SFMBT2: variants seen among roughly 807,000 people sequenced by gnomAD.
SFMBT2 encodes Scm like with four mbt domains 2.
A neutral mutation model predicts 110.1 loss-of-function variants in SFMBT2; 38 were observed. That is an observed-to-expected ratio of 0.35 (90% CI 0.27 to 0.45). The LOEUF is 0.45. Ranked by LOEUF, SFMBT2 falls within the 20% of genes least tolerant of loss-of-function variation. SFMBT2 has a pLI of 1.00. For synonymous variants in SFMBT2, 425 were observed against 425.4 expected (o/e 1.00, Z 0.01); for missense variants, 1,011 against 1,094.9 (o/e 0.92, Z 1.08).
intron 4 of SFMBT2, among the ~76,000 whole-genome samples, chr10:7,291,068 A>T (rs1032723695): frequency 1.8e-4 from 27 of 152,180 alleles, no homozygotes; most frequent in African/African-American, 6.3e-4. Context: ...CAGGCAGATG[A>T]TGAACAAGGA....
At chr10:7,287,359 G>A (rs1307806739) in intron 4 of SFMBT2, 20 of 240,802 alleles carry the variant, frequency 8.3e-5, no homozygotes, top group South Asian at 1.5e-4. Context: ...GATTACAGGC[G>A]TGAGCCACCG....
chr10:7,275,881 T>C (rs1421040665), intron 7 of SFMBT2, among the ~76,000 whole-genome samples: 4 of 152,222 alleles, frequency 2.6e-5, no homozygotes, highest in African/African-American at 9.6e-5. Flanking sequence ...CCACATTAAG[T>C]ACATCTTCTA....
chr10:7,240,650 G>T (rs1564400718), intron 9 of SFMBT2, among the ~76,000 whole-genome samples: 1 of 152,074 alleles, frequency 6.6e-6, no homozygotes, highest in South Asian at 2.1e-4. Context: ...TTCCTCCACC[G>T]TCTCACCAAG....
intron 4 of SFMBT2, among the ~76,000 whole-genome samples, chr10:7,314,945 G>A (rs1245182804): frequency 6.9e-6 from 1 of 145,818 alleles, no homozygotes; most frequent in Non-Finnish European, 1.5e-5. Context: ...GAGAGAAAGA[G>A]AAAGAGAGAA....
intron 16 of SFMBT2, among the ~76,000 whole-genome samples, chr10:7,186,476 A>C (rs892274065): frequency 6.9e-6 from 1 of 144,940 alleles, no homozygotes; most frequent in Non-Finnish European, 1.5e-5. Context: ...ATATATATAA[A>C]AATATTTTAT....
chr10:7,348,136 G>C, intron 4 of SFMBT2: 1 of 519,944 alleles, frequency 1.9e-6, no homozygotes, highest in Non-Finnish European at 3.3e-6. Context: ...ATTTGAACAA[G>C]AAAAGAAGTT....
intron 4 of SFMBT2, among the ~76,000 whole-genome samples, chr10:7,360,062 T>A (rs1329946524): frequency 6.6e-6 from 1 of 152,230 alleles, no homozygotes; most frequent in Non-Finnish European, 1.5e-5. Context: ...GGATTAAACG[T>A]CGTTACCTGG....
At chr10:7,406,578 G>C (rs1010535743) in intron 1 of SFMBT2, among the ~76,000 whole-genome samples, 1 of 152,056 alleles carries the variant, frequency 6.6e-6, no homozygotes, top group African/African-American at 2.4e-5. Context: ...GAAGAGTCAG[G>C]AACCTTTTCT....
chr10:7,201,257 A>G (rs147884496), intron 13 of SFMBT2, among the ~76,000 whole-genome samples: 49 of 152,368 alleles, frequency 3.2e-4, no homozygotes, highest in African/African-American at 1.2e-3. Context: ...TGAACTTGTT[A>G]GAAATGCAGA....
At chr10:7,183,529 A>C (rs187961583) in intron 16 of SFMBT2, among the ~76,000 whole-genome samples, 1 of 152,222 alleles carries the variant, frequency 6.6e-6, no homozygotes, top group Non-Finnish European at 1.5e-5. Context: ...TACAGCAAGA[A>C]GTCTTGTTGG....
At chr10:7,195,577 C>T (rs1838742512) in intron 15 of SFMBT2, among the ~76,000 whole-genome samples, 1 of 152,232 alleles carries the variant, frequency 6.6e-6, no homozygotes, top group Admixed American at 6.5e-5. Flanking sequence ...TAAACACGAA[C>T]AAGGGCCCTT....
chr10:7,322,697 G>A (rs192765345), intron 4 of SFMBT2, among the ~76,000 whole-genome samples: 1 of 152,082 alleles, frequency 6.6e-6, no homozygotes, highest in Non-Finnish European at 1.5e-5. Flanking sequence ...AGGGGACAGT[G>A]GGGAGGCGAA....
At chr10:7,364,787 C>T (rs994679352) in intron 4 of SFMBT2, among the ~76,000 whole-genome samples, 32 of 152,196 alleles carry the variant, frequency 2.1e-4, no homozygotes, top group Admixed American at 1.8e-3. Flanking sequence ...AGTGTGTACA[C>T]GGCCCCCGGC....
At chr10:7,335,172 TAG>T (rs1045817233) in intron 4 of SFMBT2, among the ~76,000 whole-genome samples, 146 of 152,278 alleles carry the variant, frequency 9.6e-4, no homozygotes, top group African/African-American at 3.4e-3. Context: ...GTTCAACATG[TAG>T]AGAGTTTCCA....
intron 4 of SFMBT2, among the ~76,000 whole-genome samples, chr10:7,326,783 T>G (rs772021745): frequency 5.9e-5 from 9 of 152,160 alleles, no homozygotes; most frequent in Non-Finnish European, 1.0e-4. Flanking sequence ...ACCTCAAATC[T>G]CTGGCTCTTT....
intron 4 of SFMBT2, among the ~76,000 whole-genome samples, chr10:7,343,605 C>T (rs775552191): frequency 1.3e-5 from 2 of 151,968 alleles, no homozygotes; most frequent in Non-Finnish European, 2.9e-5. Context: ...GATGGTGTCT[C>T]GTTGTGGTTT....
chr10:7,403,085 A>G (rs1483806650), intron 1 of SFMBT2, among the ~76,000 whole-genome samples: 1 of 152,266 alleles, frequency 6.6e-6, no homozygotes, highest in Non-Finnish European at 1.5e-5. Flanking sequence ...AGTAAACAAC[A>G]TTGTGTCCTA....
chr10:7,321,429 CTGACCTTG>C (rs1412545684), intron 4 of SFMBT2, among the ~76,000 whole-genome samples: 1 of 152,134 alleles, frequency 6.6e-6, no homozygotes, highest in Non-Finnish European at 1.5e-5. Flanking sequence ...TCTCGATCTC[CTGACCTTG>C]TGATCTGCCC....
intron 11 of SFMBT2, chr10:7,214,625 T>G (rs537394962): frequency 1.0e-6 from 1 of 985,492 alleles, no homozygotes; most frequent in African/African-American, 1.7e-5. Flanking sequence ...ACTACACACG[T>G]AGCGGACCTG....
Sources: allele counts gnomAD v4.1 joint callset (sites outside exome capture counted in the v4.1 genomes callset), GRCh38; gene constraint gnomAD v4.1.1; transcripts MANE v1.5; gene names NCBI Gene and HGNC (gene_info 2026-07-23, HGNC 2026-07-21).